Variants in CAPZA2 observed in about 807,000 individuals in gnomAD.
CAPZA2 encodes capping actin protein of muscle Z-line subunit alpha 2.
CAPZA2 carries 13 observed loss-of-function variants against 44.0 expected under a neutral mutation model. The ratio of observed to expected loss-of-function variants is 0.30; its 90% CI spans 0.19 to 0.47. The LOEUF is 0.47. CAPZA2 is among the 20% of genes least tolerant of loss of function. CAPZA2 has a pLI of 1.00. For missense variants in CAPZA2, 244 were observed against 338.6 expected (o/e 0.72, Z 2.19); for synonymous variants, 94 against 108.2 (o/e 0.87, Z 0.81).
chr7:116,898,265 C>CTT (rs529306104), intron 3 of CAPZA2, among the ~76,000 whole-genome samples: 4 of 145,380 alleles, frequency 2.8e-5, no homozygotes, highest in African/African-American at 7.5e-5. Flanking sequence ...AGAATGTAAT[C>CTT]TTTTTTTTTT....
rs973721548 is a variant in CAPZA2, at chr7:116,918,376, C to T, written c.*509C>T. 1.3e-5 allele frequency: 2 copies of T among 153,482 alleles called. No homozygotes were observed. Among genetic ancestry groups the T allele is most frequent in the African/African-American group, 4.8e-5 (2 of 41,424 alleles). The allele number at this position is 153,482 out of a possible 1,614,324, so 9.5% of individuals were successfully genotyped here. On this transcript the variant is annotated 3_prime_UTR_variant, in exon 10 of 10. Coordinates refer to ENST00000361183, the MANE Select transcript of CAPZA2 (RefSeq NM_006136.3). ...TGTAAAGTTGAGATTAGAGGGAAAG[C>T]ATTTTCTATATCAATTGTGTTTAAA...
intron 1 of CAPZA2, among the ~76,000 whole-genome samples, chr7:116,879,573 C>T (rs1477661139): frequency 6.6e-6 from 1 of 152,044 alleles, no homozygotes; most frequent in East Asian, 1.9e-4. Flanking sequence ...CAAACTAGAT[C>T]CCTCGCATAC....
chr7:116,886,290 T>C (rs1189058033), intron 1 of CAPZA2, among the ~76,000 whole-genome samples: 1 of 152,218 alleles, frequency 6.6e-6, no homozygotes, highest in Non-Finnish European at 1.5e-5. Flanking sequence ...AATTACAAAA[T>C]GCTGCTTCTC....
intron 4 of CAPZA2, 70 bp from the exon 5 acceptor site, chr7:116,904,100 AATGAGTG>A (rs1355502599): frequency 2.4e-6 from 2 of 836,044 alleles, no homozygotes; most frequent in African/African-American, 3.4e-5. Flanking sequence ...AAGAAGCTTA[AATGAGTG>A]TAATTATGAT....
At chr7:116,889,688 A>T (rs1411950986) in intron 2 of CAPZA2, among the ~76,000 whole-genome samples, 1 of 152,218 alleles carries the variant, frequency 6.6e-6, no homozygotes, top group Non-Finnish European at 1.5e-5. Flanking sequence ...GGTCATCCAC[A>T]AACTACAATA....
chr7:116,867,735 C>T (rs2115865505), intron 1 of CAPZA2, among the ~76,000 whole-genome samples: 2 of 152,226 alleles, frequency 1.3e-5, no homozygotes, highest in South Asian at 4.1e-4. Flanking sequence ...AGGCACACAC[C>T]TGCGTCCCTA....
chr7:116,893,031 G>T lies in CAPZA2; in HGVS notation c.141G>T (p.Arg47Ser), dbSNP rs1478339030. Residue 47 changes from arginine to serine, a missense_variant, in exon 3 of 10, where the codon AGG becomes AGT. Arg to Ser is a moderately radical substitution (Grantham distance 110, BLOSUM62 -1). Transcript: ENST00000361183. ...RLLLNNDNLLREGAAHAFAQY... is the reference protein window; with the variant it reads ...RLLLNNDNLLSEGAAHAFAQY... ...TGCTTAATAATGACAATCTTCTCAG[G>T]GAAGGAGCAGCCCAGTAAGTATTAT... 6.3e-7 allele frequency: 1 copy of T among 1,596,742 alleles called. No individual in the cohort carries two copies. Among genetic ancestry groups the T allele is most frequent in the Non-Finnish European group, 8.6e-7 (1 of 1,168,434 alleles).
intron 7 of CAPZA2, 50 bp downstream of exon 7, chr7:116,910,361 A>G (rs1329691662): frequency 1.1e-6 from 1 of 874,410 alleles, no homozygotes; most frequent in Non-Finnish European, 1.9e-6. Flanking sequence ...TGAACAGAGA[A>G]ACAACTAATT....
intron 3 of CAPZA2, 57 bp downstream of exon 3, chr7:116,893,102 C>G: frequency 8.7e-7 from 1 of 1,152,496 alleles, no homozygotes. Flanking sequence ...ACGAGAGATG[C>G]TTTAAAAGTG....
At chr7:116,865,814 C>T (rs1384283937) in intron 1 of CAPZA2, among the ~76,000 whole-genome samples, 1 of 152,126 alleles carries the variant, frequency 6.6e-6, no homozygotes, top group East Asian at 1.9e-4. Context: ...ACTCCTGGCT[C>T]AAACGATCCT....
intron 4 of CAPZA2, 144 bp from the exon 5 acceptor site, chr7:116,904,033 G>A (rs1339114121): frequency 1.6e-6 from 1 of 611,640 alleles, no homozygotes; most frequent in East Asian, 2.7e-5. Context: ...AGTATTAATA[G>A]TTGTACCATA....
chr7:116,910,405 A>T, intron 7 of CAPZA2, 94 bp downstream of exon 7: 1 of 654,374 alleles, frequency 1.5e-6, no homozygotes, highest in Non-Finnish European at 2.7e-6. Context: ...TATCATACAC[A>T]TTTCTTTTTC....
chr7:116,906,255 C>T lies in CAPZA2; in HGVS notation c.427-8C>T, dbSNP rs1791507480. ...TTCATTCTTATGCTTATTTTCTTTG[C>T]CAATAAGGTGTATGGCAAAAAAATA... is the stretch of plus-strand genomic sequence containing the variant. On this transcript the variant is annotated splice_region_variant and splice_polypyrimidine_tract_variant and intron_variant, in intron 5 of 9. Coordinates refer to ENST00000361183, the MANE Select transcript of CAPZA2 (RefSeq NM_006136.3). 1.3e-5 allele frequency: 21 copies of T among 1,609,764 alleles called. No homozygotes were observed. Among genetic ancestry groups the T allele is most frequent in the Non-Finnish European group, 1.8e-5 (21 of 1,179,056 alleles).
Position 116,863,644 on chromosome 7 carries a change from G to A in CAPZA2, c.39+994G>A, listed in dbSNP as rs78455230. On this transcript the variant is annotated intron_variant, in intron 1 of 9. Coordinates refer to ENST00000361183, the MANE Select transcript of CAPZA2 (RefSeq NM_006136.3). ...GGGGAGAACCCTGCTAATTTTGACT[G>A]TTTCTCGGAAAGGACCCTTAGAAGT... 3.3e-5 allele frequency among the ~76,000 whole-genome samples: 5 copies of A among 152,276 alleles called. No individual in the cohort carries two copies. The East Asian group carries it at 9.6e-4, about 29-fold the overall frequency.
chr7:116,903,789 G>T (rs1334825253), intron 4 of CAPZA2, among the ~76,000 whole-genome samples: 5 of 152,220 alleles, frequency 3.3e-5, no homozygotes, highest in Non-Finnish European at 7.3e-5. Context: ...AGCCATTCAG[G>T]TAACCACCCT....
rs368538215 is a variant in CAPZA2 at position 116,904,286 on chromosome 7, C to G, written c.329C>G (p.Pro110Arg). Residue 110 changes from proline (P) to arginine (R), a missense_variant, in exon 5 of 10, where the codon CCC becomes CGC. By Grantham distance (103) the Pro-to-Arg change is moderately radical. Transcript: ENST00000361183. Reference protein sequence around the residue: ...HLRKEATDPRPCEVENAVESW... With the variant: ...HLRKEATDPRRCEVENAVESW... ...AGGAAGGAGGCAACTGATCCAAGAC[C>G]CTGTGAAGTAGAAAATGCAGTTGAA... is the stretch of plus-strand genomic sequence containing the variant. The G allele has an allele frequency of 6.2e-6, 10 of 1,612,852 alleles. No homozygotes were observed. The highest frequency in any genetic ancestry group is 8.5e-6 in the Non-Finnish European group (10 of 1,179,004).
At chr7:116,900,609 G>A (rs927250034) in intron 4 of CAPZA2, among the ~76,000 whole-genome samples, 1 of 151,830 alleles carries the variant, frequency 6.6e-6, no homozygotes, top group Admixed American at 6.6e-5. Context: ...TCAAAAAAAG[G>A]CATACGATTA....
chr7:116,880,870 G>T (rs1406540130), intron 1 of CAPZA2, among the ~76,000 whole-genome samples: 1 of 150,946 alleles, frequency 6.6e-6, no homozygotes, highest in Admixed American at 6.6e-5. Context: ...ACCACACCTG[G>T]CTAATTTTTG....
chr7:116,903,982 G>C (rs1205258973), intron 4 of CAPZA2, among the ~76,000 whole-genome samples, 195 bp from the exon 5 acceptor site: 1 of 152,176 alleles, frequency 6.6e-6, no homozygotes, highest in East Asian at 1.9e-4. Context: ...ATCTGCACTG[G>C]ATGAGAGTAA....
Sources: gnomAD v4.1 joint callset for allele counts (sites outside exome capture counted in the v4.1 genomes callset) on GRCh38, gnomAD v4.1.1 for gene constraint, MANE v1.5 for transcripts, NCBI Gene and HGNC (gene_info 2026-07-23, HGNC 2026-07-21) for gene names.